Variants in PGM5 observed in about 807,000 individuals in gnomAD.
PGM5 encodes phosphoglucomutase 5.
In PGM5, 23 loss-of-function variants were observed where a neutral mutation model predicts 59.2. The ratio of observed to expected loss-of-function variants is 0.39; its 90% CI spans 0.28 to 0.55. The LOEUF (loss-of-function observed/expected upper bound fraction) is 0.55, where lower values mean the gene tolerates loss of function less well. PGM5 is among the 20% of genes least tolerant of loss of function. The probability of loss-of-function intolerance (pLI) is 0.66; values close to 1 mark genes in which losing one functional copy is unlikely to be tolerated. For synonymous variants in PGM5, 214 were observed against 286.0 expected (o/e 0.75, Z 2.54); for missense variants, 574 against 748.3 (o/e 0.77, Z 2.72).
intron 8 of PGM5, among the ~76,000 whole-genome samples, chr9:68,483,140 A>G (rs565323217): frequency 3.9e-5 from 6 of 152,040 alleles, no homozygotes; most frequent in African/African-American, 1.4e-4. Flanking sequence ...AGAACTTACT[A>G]TGTACTAGAA....
At chr9:68,379,276 AG>A (rs1307738565) in intron 2 of PGM5, among the ~76,000 whole-genome samples, 2 of 152,228 alleles carry the variant, frequency 1.3e-5, no homozygotes, top group East Asian at 3.9e-4. Flanking sequence ...CTTTTAATCT[AG>A]AACACTGAGT....
At chr9:68,425,397 T>A (rs1232535514) in intron 6 of PGM5, among the ~76,000 whole-genome samples, 3 of 152,202 alleles carry the variant, frequency 2.0e-5, no homozygotes, top group African/African-American at 2.4e-5. Context: ...TAGAGGAGAT[T>A]CCCAGGAGCT....
intron 8 of PGM5, among the ~76,000 whole-genome samples, chr9:68,482,586 C>T (rs1824215824): frequency 6.6e-6 from 1 of 152,144 alleles, no homozygotes; most frequent in Non-Finnish European, 1.5e-5. Context: ...CTATTCAGAG[C>T]TTCCTTCTTC....
At chr9:68,373,838 C>T (rs1234777647) in intron 1 of PGM5, among the ~76,000 whole-genome samples, 1 of 152,196 alleles carries the variant, frequency 6.6e-6, no homozygotes, top group Admixed American at 6.5e-5. Context: ...GTTTCCTTCC[C>T]TCTTGTGACT....
chr9:68,453,196 A>G (rs1823724194), intron 6 of PGM5, among the ~76,000 whole-genome samples: 1 of 152,254 alleles, frequency 6.6e-6, no homozygotes, highest in Non-Finnish European at 1.5e-5. Flanking sequence ...CACTTTTACC[A>G]TAGTCTCTTA....
rs1554675652 is a variant in PGM5, at chr9:68,356,688, G to T, written c.-440G>T. 6.6e-6 allele frequency among the ~76,000 whole-genome samples: 1 copy of T among 152,252 alleles called. No individual in the cohort carries two copies. The highest frequency in any genetic ancestry group is 1.5e-5 in the Non-Finnish European group (1 of 68,044). The stretch of plus-strand genomic sequence containing the variant: ...TCTGCCCAAAGTCTCGCCGCCCGCC[G>T]GCTGTTTTCTGGCGGAGGGTGTGCC... On this transcript the variant is annotated 5_prime_UTR_variant, in exon 1 of 11. Transcript: ENST00000396396.
chr9:68,390,306 G>C (rs1822332311), intron 4 of PGM5, among the ~76,000 whole-genome samples: 1 of 152,138 alleles, frequency 6.6e-6, no homozygotes, highest in African/African-American at 2.4e-5. Flanking sequence ...TTTCCAAATA[G>C]TATGAGCAAT....
chr9:68,515,732 C>G (rs1587229619), intron 10 of PGM5, among the ~76,000 whole-genome samples: 1 of 152,296 alleles, frequency 6.6e-6, no homozygotes, highest in East Asian at 1.9e-4. Flanking sequence ...CATTCTTAAT[C>G]TCTTTTTATT....
intron 10 of PGM5, among the ~76,000 whole-genome samples, chr9:68,506,354 A>G (rs782641987): frequency 1.3e-5 from 2 of 152,090 alleles, no homozygotes; most frequent in Non-Finnish European, 2.9e-5. Flanking sequence ...TCTGTACTTC[A>G]CTTTTCTTTT....
At chr9:68,451,385 G>T (rs1229666185) in intron 6 of PGM5, among the ~76,000 whole-genome samples, 1 of 152,208 alleles carries the variant, frequency 6.6e-6, no homozygotes. Flanking sequence ...GGTTTCCAGA[G>T]TGTGCGTGAG....
intron 1 of PGM5, among the ~76,000 whole-genome samples, chr9:68,372,367 T>G (rs1202139125): frequency 2.0e-5 from 3 of 151,690 alleles, no homozygotes; most frequent in Non-Finnish European, 2.9e-5. Context: ...TGTCTTCATA[T>G]CTCCTCTTCT....
intron 6 of PGM5, among the ~76,000 whole-genome samples, chr9:68,415,018 AGTAGC>A (rs1393282067): frequency 6.7e-6 from 1 of 148,710 alleles, no homozygotes; most frequent in Non-Finnish European, 1.5e-5. Context: ...CTGCTGGAAG[AGTAGC>A]CAGGGGACTG....
chr9:68,442,333 G>A (rs1406801558), intron 6 of PGM5, among the ~76,000 whole-genome samples: 1 of 152,036 alleles, frequency 6.6e-6, no homozygotes, highest in Non-Finnish European at 1.5e-5. Flanking sequence ...TGCTGGGGCT[G>A]GAGTGCAATG....
In PGM5 at chr9:68,529,747, T is replaced by C. The variant is rs1458180970; in HGVS notation, c.*91T>C. The C allele has an allele frequency of 5.6e-6, 4 of 718,814 alleles. No homozygotes were observed. Among genetic ancestry groups the C allele is most frequent in the Admixed American group, 3.6e-5 (1 of 27,958 alleles). 44.5% of individuals were successfully genotyped at this position (718,814 alleles called of 1,614,324 possible). A position where few individuals can be genotyped will look rare whatever the true frequency, so the allele number is the denominator to read the frequency against. On this transcript the variant is annotated 3_prime_UTR_variant, in exon 11 of 11. Coordinates refer to ENST00000396396, the MANE Select transcript of PGM5 (RefSeq NM_021965.4). The stretch of plus-strand genomic sequence containing the variant: ...TCTTGCTACCTGTTTGTGCCTCTTA[T>C]GACTTTGGAAAAACAAAAGATATTT...
At position 68,445,441 on chromosome 9, in the gene PGM5, C is replaced by T. The variant is rs115026700; in HGVS notation, c.1044-19652C>T. On this transcript the variant is annotated intron_variant, in intron 6 of 10. Transcript: ENST00000396396. ...CACTTAGAAAATGTTTAAAGTTGAA[C>T]AACTGGACATACCCTTTGAAAGCTC... Among the ~76,000 whole-genome samples, 810 of 152,266 alleles carry T rather than the reference C, an allele frequency of 5.3e-3. 9 individuals carry two copies. The highest frequency in any genetic ancestry group is 0.017 in the African/African-American group (712 of 41,560).
At chr9:68,406,808 G>A (rs1181651816) in intron 6 of PGM5, among the ~76,000 whole-genome samples, 6 of 148,710 alleles carry the variant, frequency 4.0e-5, no homozygotes, top group African/African-American at 1.5e-4. Context: ...GGGGCTTTAT[G>A]GATAAGAGAG....
At chr9:68,376,475 C>CTGTG (rs71353047) in intron 1 of PGM5, among the ~76,000 whole-genome samples, 12,448 of 129,450 alleles carry the variant, frequency 0.096, 627 homozygotes, top group Non-Finnish European at 0.12. Flanking sequence ...TGCTTTTGAG[C>CTGTG]TGTGTGTGTG....
chr9:68,479,751 G>C (rs1425574288), intron 8 of PGM5, among the ~76,000 whole-genome samples, 198 bp downstream of exon 8: 5 of 152,096 alleles, frequency 3.3e-5, no homozygotes, highest in Non-Finnish European at 5.9e-5. Context: ...CGGCTAAAAC[G>C]GTGAAACCCC....
intron 7 of PGM5, among the ~76,000 whole-genome samples, chr9:68,468,747 T>A (rs1157878659): frequency 1.3e-5 from 2 of 152,244 alleles, no homozygotes; most frequent in African/African-American, 4.8e-5. Context: ...TCTCTTTTAA[T>A]CTACGTTTCT....
Sources: allele counts gnomAD v4.1 joint callset (sites outside exome capture counted in the v4.1 genomes callset), GRCh38; gene constraint gnomAD v4.1.1; transcripts MANE v1.5; gene names NCBI Gene and HGNC (gene_info 2026-07-23, HGNC 2026-07-21).